Variants in VPS35L observed in about 807,000 individuals in gnomAD.
VPS35L encodes the protein VPS35 endosomal protein sorting factor like.
Under a neutral mutation model 133.0 loss-of-function variants are expected in VPS35L, and 83 were observed. The observed-to-expected ratio is 0.62, with a 90% CI of 0.52 to 0.75. The LOEUF (loss-of-function observed/expected upper bound fraction) is 0.75. VPS35L is among the 30% of genes least tolerant of loss of function. The pLI is 0.00. For missense variants in VPS35L, 1,083 were observed against 1,206.8 expected, an observed-to-expected ratio of 0.90 and a Z score of 1.52; for synonymous variants, 423 against 449.9, an observed-to-expected ratio of 0.94 and a Z score of 0.76.
chr16:19,663,167 T>C (rs9936413), intron 26 of VPS35L, among the ~76,000 whole-genome samples: 51,931 of 151,014 alleles, frequency 0.34, 9,090 homozygotes, highest in African/African-American at 0.37. Context: ...AAAAATTAGC[T>C]GGGCATGGTG....
rs1972498103 is a variant in VPS35L at position 19,605,001 on chromosome 16, A to G, written c.785-3177A>G. Among the ~76,000 whole-genome samples, 2 of 152,202 alleles carry G rather than the reference A, an allele frequency of 1.3e-5. 1 individual carries two copies. The highest frequency in any genetic ancestry group is 4.1e-4 in the South Asian group (2 of 4,830). ...TTGGGTTTATTGTATTATGGTTCCC[A>G]TCACCATCTTCTCAGCATTCCCATC... On this transcript the variant is annotated intron_variant, in intron 9 of 30. Transcript: ENST00000417362.
intron 23 of VPS35L, among the ~76,000 whole-genome samples, chr16:19,646,002 A>G (rs1391204172): frequency 6.6e-6 from 1 of 150,566 alleles, no homozygotes; most frequent in African/African-American, 2.4e-5. Context: ...GGGGTTTCCA[A>G]CTCCTGGTTT....
chr16:19,583,508 G>A (rs559732254), intron 7 of VPS35L, among the ~76,000 whole-genome samples: 1 of 152,080 alleles, frequency 6.6e-6, no homozygotes, highest in Non-Finnish European at 1.5e-5. Flanking sequence ...CACCTCACAC[G>A]TCTCTGATTT....
chr16:19,685,152 G>A (rs1446659741), intron 28 of VPS35L, among the ~76,000 whole-genome samples: 1 of 152,014 alleles, frequency 6.6e-6, no homozygotes, highest in Admixed American at 6.6e-5. Context: ...AACACTCGCA[G>A]GTAACCACAG....
chr16:19,626,932 C>T (rs777145849), intron 15 of VPS35L, among the ~76,000 whole-genome samples: 16 of 151,988 alleles, frequency 1.1e-4, no homozygotes, highest in Admixed American at 3.3e-4. Context: ...CTTTGTTTAC[C>T]ACTGTGTCCC....
intron 14 of VPS35L, among the ~76,000 whole-genome samples, chr16:19,619,628 T>C (rs35818379): frequency 0.072 from 10,932 of 152,234 alleles, 539 homozygotes; most frequent in East Asian, 0.22. Context: ...GGCAGTCTTC[T>C]TTTTATTTTA....
chr16:19,626,188 C>T lies in VPS35L; in HGVS notation c.1236C>T (p.Thr412=), dbSNP rs746766882. 3.9e-5 allele frequency: 62 copies of T among 1,594,920 alleles called. No homozygotes were observed. The Admixed American group carries it at 7.9e-4, about 20-fold the overall frequency. ...TTTTAACATAATAGGCTCTGCTGACCGAGATGATGGAAAGGTGTAAGAAAC... is the reference window on the plus strand; with the variant it reads ...TTTTAACATAATAGGCTCTGCTGACTGAGATGATGGAAAGGTGTAAGAAAC... ...ISYHAPEALL[T]EMMERCKKLG... is the part of the protein sequence containing the mutation. Residue 412 remains threonine, a synonymous_variant, in exon 15 of 31, where the codon ACC becomes ACT. Coordinates refer to ENST00000417362, the MANE Select transcript of VPS35L (RefSeq NM_020314.7).
chr16:19,656,279 AAAG>A (rs1224522300), intron 26 of VPS35L, among the ~76,000 whole-genome samples: 1 of 118,952 alleles, frequency 8.4e-6, no homozygotes, highest in Non-Finnish European at 1.5e-5. Flanking sequence ...AAAAAAAAAA[AAAG>A]AAAGAAAAAA....
At chr16:19,605,508 G>A (rs1972513046) in intron 9 of VPS35L, among the ~76,000 whole-genome samples, 1 of 152,178 alleles carries the variant, frequency 6.6e-6, no homozygotes, top group African/African-American at 2.4e-5. Context: ...GGCTTGTCAT[G>A]CTGGCTGCTC....
intron 22 of VPS35L, 66 bp downstream of exon 22, chr16:19,642,542 G>A: frequency 7.6e-7 from 1 of 1,323,106 alleles, no homozygotes; most frequent in Admixed American, 1.9e-5. Flanking sequence ...TAGGACATTA[G>A]GGAATGACTG....
At position 19,597,868 on chromosome 16, in the gene VPS35L, G is replaced by T. The variant is rs577196340; in HGVS notation, c.725-3796G>T. ...CCTGAGCTCCATTTTTCTGCACATG[G>T]TCATTACTCTGCTCTAAAAGAAGAT... On this transcript the variant is annotated intron_variant, in intron 8 of 30. Transcript: ENST00000417362. 4.6e-5 allele frequency among the ~76,000 whole-genome samples: 7 copies of T among 152,286 alleles called. No homozygotes were observed. In the South Asian group the frequency reaches 1.5e-3, roughly 32 times the overall value.
intron 15 of VPS35L, 89 bp from the exon 16 acceptor site, chr16:19,627,605 A>T: frequency 2.0e-6 from 2 of 1,017,658 alleles, no homozygotes; most frequent in Non-Finnish European, 3.1e-6. Flanking sequence ...AAGAGCTGTT[A>T]GTCTTCCTTC....
intron 8 of VPS35L, among the ~76,000 whole-genome samples, chr16:19,599,432 A>G (rs373735039): frequency 2.0e-4 from 31 of 152,220 alleles, no homozygotes; most frequent in African/African-American, 7.0e-4. Flanking sequence ...TCAGAGACCC[A>G]CTGGTGTCTG....
At chr16:19,578,287 T>A (rs1971596744) in intron 5 of VPS35L, 1 of 186,434 alleles carries the variant, frequency 5.4e-6, no homozygotes, top group Non-Finnish European at 1.1e-5. Flanking sequence ...TTCTTTTTTC[T>A]TTTTTTTTTT....
intron 26 of VPS35L, among the ~76,000 whole-genome samples, chr16:19,657,872 A>G (rs904228338): frequency 1.3e-5 from 2 of 152,284 alleles, no homozygotes; most frequent in South Asian, 4.1e-4. Context: ...TCCTTTGAAG[A>G]GTGTTTGATT....
intron 28 of VPS35L, among the ~76,000 whole-genome samples, chr16:19,689,798 A>T (rs546415207): frequency 9.1e-4 from 139 of 152,334 alleles, no homozygotes; most frequent in Non-Finnish European, 1.5e-3. Context: ...AGCATAATAT[A>T]TATAGGATTC....
chr16:19,589,479 A>C (rs1971973618), intron 7 of VPS35L, among the ~76,000 whole-genome samples: 1 of 152,130 alleles, frequency 6.6e-6, no homozygotes, highest in Admixed American at 6.6e-5. Flanking sequence ...TCCTGGGCCC[A>C]GGCGATCTTC....
chr16:19,651,586 G>C (rs529261126), intron 25 of VPS35L, among the ~76,000 whole-genome samples: 87 of 152,294 alleles, frequency 5.7e-4, no homozygotes, highest in Middle Eastern at 3.4e-3. Flanking sequence ...TAAAAAATAA[G>C]CATCCTGGCT....
intron 19 of VPS35L, among the ~76,000 whole-genome samples, chr16:19,636,743 A>G (rs1973633386): frequency 6.6e-6 from 1 of 152,204 alleles, no homozygotes; most frequent in Admixed American, 6.6e-5. Context: ...CTTGATAGCA[A>G]CCAGAGGTGG....
Sources: gnomAD v4.1 joint callset for allele counts (sites outside exome capture counted in the v4.1 genomes callset) on GRCh38, gnomAD v4.1.1 for gene constraint, MANE v1.5 for transcripts, NCBI Gene and HGNC (gene_info 2026-07-23, HGNC 2026-07-21) for gene names.